The following NAALADL1 variants were observed in gnomAD, a reference collection of about 807,000 sequenced individuals.
NAALADL1 encodes the protein aminopeptidase NAALADL1.
In NAALADL1, 77 loss-of-function variants were observed where a neutral mutation model predicts 82.8. The ratio of observed to expected loss-of-function variants is 0.93; its 90% confidence interval spans 0.77 to 1.12. The LOEUF is 1.12. Ranked by LOEUF, NAALADL1 falls within the 50% of genes most tolerant of loss-of-function variation. The pLI, the probability that NAALADL1 is intolerant of heterozygous loss-of-function variation, is 0.00. For synonymous variants in NAALADL1, 358 were observed against 399.2 expected, an observed-to-expected ratio of 0.90 and a Z score of 1.23; for missense variants, 956 against 964.0, an observed-to-expected ratio of 0.99 and a Z score of 0.11.
chr11:65,060,157 T>C (rs528524951), upstream of NAALADL1, among the ~76,000 whole-genome samples: 1,084 of 150,806 alleles, frequency 7.2e-3, 22 homozygotes, highest in African/African-American at 0.023. Flanking sequence ...TGCACGTGCA[T>C]GTGTGTGTGT....
intron 8 of NAALADL1, among the ~76,000 whole-genome samples, chr11:65,049,310 C>T (rs550568242): frequency 1.4e-4 from 22 of 152,160 alleles, no homozygotes; most frequent in African/African-American, 3.4e-4. Context: ...TGTGAGCCAC[C>T]GCAACCAGCA....
chr11:65,053,456 G>C lies in NAALADL1; in HGVS notation c.1078+35C>G. Reference sequence around the variant, plus strand: ...GACAGCGGCATCCAGAGCAGAGCAGGGGCCTGGGGTGCAGGCAGCAAGAGG... The same window carrying C: ...GACAGCGGCATCCAGAGCAGAGCAGCGGCCTGGGGTGCAGGCAGCAAGAGG... On this transcript the variant is annotated intron_variant, in intron 7 of 17. Coordinates refer to ENST00000358658, the MANE Select transcript of NAALADL1 (RefSeq NM_005468.3). The surrounding 1 kb of genome is among the most constrained non-coding windows in gnomAD (Gnocchi z 4.3). 2 of 1,612,466 alleles carry C rather than the reference G, an allele frequency of 1.2e-6. No individual in the cohort carries two copies. Among genetic ancestry groups the C allele is most frequent in the Admixed American group, 1.7e-5 (1 of 60,008 alleles).
In NAALADL1 at chr11:65,054,132, A is replaced by G; in HGVS notation, c.992+118T>C. ...GGTCAGGAGAGGGTCTGGGAGAGAG[A>G]GGAAAGGGAAAAAGGTCAGGCTTTG... On this transcript the variant is annotated intron_variant, in intron 6 of 17. Transcript: ENST00000358658. The surrounding 1 kb of genome is among the most constrained non-coding windows in gnomAD (Gnocchi z 4.3). 2 of 889,084 alleles carry G rather than the reference A, an allele frequency of 2.2e-6. No individual in the cohort carries two copies. Among genetic ancestry groups the G allele is most frequent in the Non-Finnish European group, 3.5e-6 (2 of 577,356 alleles). The allele number at this position is 889,084 out of a possible 1,614,324, so 55.1% of individuals were successfully genotyped here.
intron 3 of NAALADL1, 69 bp from the exon 4 acceptor site, chr11:65,057,562 G>A: frequency 1.3e-6 from 2 of 1,549,490 alleles, no homozygotes; most frequent in African/African-American, 1.4e-5. Flanking sequence ...GGGGGTGGAA[G>A]TTTGCATGGC....
In NAALADL1 at chr11:65,053,687, T is replaced by A; in HGVS notation, c.993-111A>T. ...GAAAGTGACGTGGCAAGGCCATTCA[T>A]TGGCCCCGAAGTACCAAGAGAGGCA... On this transcript the variant is annotated intron_variant, in intron 6 of 17. Transcript: ENST00000358658. The surrounding 1 kb of genome is among the most constrained non-coding windows in gnomAD (Gnocchi z 4.3). 2.1e-6 allele frequency: 2 copies of A among 948,650 alleles called. No individual in the cohort carries two copies. The highest frequency in any genetic ancestry group is 3.1e-6 in the Non-Finnish European group (2 of 639,602). The allele number at this position is 948,650 out of a possible 1,614,324, so 58.8% of individuals were successfully genotyped here. A position where few individuals can be genotyped will look rare whatever the true frequency, so the allele number is the denominator to read the frequency against.
chr11:65,056,773 A>G (rs1947052011), intron 4 of NAALADL1, among the ~76,000 whole-genome samples: 1 of 145,504 alleles, frequency 6.9e-6, no homozygotes, highest in South Asian at 2.1e-4. Context: ...TGGAGAGTGC[A>G]GTGGTGCAAT....
chr11:65,048,433 A>G, intron 8 of NAALADL1, 48 bp from the exon 9 acceptor site: 1 of 1,604,816 alleles, frequency 6.2e-7, no homozygotes, highest in Non-Finnish European at 8.5e-7. Flanking sequence ...TCCTGATCCT[A>G]GGGTGCCTTA....
At chr11:65,048,895 T>C (rs1946813104) in intron 8 of NAALADL1, among the ~76,000 whole-genome samples, 1 of 152,166 alleles carries the variant, frequency 6.6e-6, no homozygotes, top group Non-Finnish European at 1.5e-5. Context: ...TCCAGATATT[T>C]GGCTCCACAC....
intron 8 of NAALADL1, among the ~76,000 whole-genome samples, chr11:65,052,378 ATCTCAGC>A (rs1450161116): frequency 6.6e-6 from 1 of 151,436 alleles, no homozygotes; most frequent in Admixed American, 6.6e-5. Context: ...CAGTGGCGCG[ATCTCAGC>A]TCACTGCAAC....
intron 13 of NAALADL1, 66 bp from the exon 14 acceptor site, chr11:65,046,592 G>A: frequency 6.7e-7 from 1 of 1,500,684 alleles, no homozygotes; most frequent in Non-Finnish European, 9.3e-7. Flanking sequence ...TACCTCCAGT[G>A]AGCTGCAAAA....
At chr11:65,055,926 C>T (rs543274970) in intron 4 of NAALADL1, among the ~76,000 whole-genome samples, 1 of 150,234 alleles carries the variant, frequency 6.7e-6, no homozygotes, top group African/African-American at 2.5e-5. Flanking sequence ...GCTCTTGTCC[C>T]CCAGGCTGGA....
Position 65,047,477 on chromosome 11 carries a change from G to T in NAALADL1, c.1597C>A (p.Arg533=). The T allele has an allele frequency of 6.4e-7, 1 of 1,560,740 alleles. No individual in the cohort carries two copies. Among genetic ancestry groups the T allele is most frequent in the Non-Finnish European group, 8.7e-7 (1 of 1,152,170 alleles). ...SSMDIAYTYD[R]SKTSARIYPT... ...GGGACGGAGGGGCGCCTGCTCACCC[G>T]GTCATAGGTATAGGCAATGTCCATG... is the stretch of plus-strand genomic sequence containing the variant. The change falls in exon 13 of 18, where the codon CGG becomes AGG. Residue 533 remains arginine (R), a splice_region_variant and synonymous_variant. Transcript: ENST00000358658.
chr11:65,046,255 GGA>G lies in NAALADL1; in HGVS notation c.1787_1788del (p.Leu596ProfsTer33), dbSNP rs1204589555. 6.2e-7 allele frequency: 1 copy of G among 1,614,138 alleles called. No homozygotes were observed. Among genetic ancestry groups the G allele is most frequent in the Non-Finnish European group, 8.5e-7 (1 of 1,180,042 alleles). On this transcript the variant is annotated frameshift_variant, in exon 15 of 18. Transcript: ENST00000358658. LOFTEE classifies it high-confidence loss of function. ...PLKVSDYSET[L>X]RSFLQAAQQD... ...TGCTGGGCTGCCTGCAGGAAGCTGC[GGA>G]GTGTCTCACTGTAGTCACTGACTTT...
chr11:65,052,899 C>T (rs1333785969), intron 8 of NAALADL1, among the ~76,000 whole-genome samples: 3 of 152,250 alleles, frequency 2.0e-5, no homozygotes, highest in East Asian at 3.8e-4. Flanking sequence ...TCAGAGTTAA[C>T]AATCGGCTGC....
intron 4 of NAALADL1, 22 bp downstream of exon 4, chr11:65,057,349 G>A: frequency 1.9e-6 from 3 of 1,594,982 alleles, no homozygotes; most frequent in Non-Finnish European, 2.6e-6. Flanking sequence ...GAGGCCTCCT[G>A]CACTGGGGGA....
At position 65,054,400 on chromosome 11, in the gene NAALADL1, C is replaced by T; in HGVS notation, c.888-46G>A. 1.2e-6 allele frequency: 2 copies of T among 1,612,262 alleles called. No homozygotes were observed. Among genetic ancestry groups the T allele is most frequent in the South Asian group, 2.2e-5 (2 of 90,982 alleles). On this transcript the variant is annotated intron_variant, in intron 5 of 17. Transcript: ENST00000358658. The surrounding 1 kb of genome is among the most constrained non-coding windows in gnomAD (Gnocchi z 4.3). ...CTTCAGGGTAAATGTGAGTGTGGGGCTTGAAGTCTGGAGGCCACTGGGGCT... is the reference window on the plus strand; with the variant it reads ...CTTCAGGGTAAATGTGAGTGTGGGGTTTGAAGTCTGGAGGCCACTGGGGCT...
intron 4 of NAALADL1, among the ~76,000 whole-genome samples, chr11:65,056,735 T>A (rs937808407): frequency 1.4e-3 from 178 of 130,986 alleles, no homozygotes; most frequent in South Asian, 7.8e-3. Flanking sequence ...TTTTTTTTTT[T>A]AAATCAGAGT....
intron 4 of NAALADL1, among the ~76,000 whole-genome samples, chr11:65,055,932 C>T (rs1947028284): frequency 6.8e-6 from 1 of 146,828 alleles, no homozygotes; most frequent in Non-Finnish European, 1.5e-5. Flanking sequence ...GTCCCCCAGG[C>T]TGGAGTGCAA....
chr11:65,048,108 C>T, intron 10 of NAALADL1, 44 bp downstream of exon 10: 1 of 1,614,026 alleles, frequency 6.2e-7, no homozygotes, highest in Non-Finnish European at 8.5e-7. Flanking sequence ...CCCACCCAGT[C>T]GTCCCGCCGT....
Sources: allele counts gnomAD v4.1 joint callset (sites outside exome capture counted in the v4.1 genomes callset), GRCh38; gene constraint gnomAD v4.1.1; non-coding constraint Gnocchi (gnomAD v3.1); transcripts MANE v1.5; gene names NCBI Gene and HGNC (gene_info 2026-07-23, HGNC 2026-07-21).